WASL: variants seen among roughly 807,000 people sequenced by gnomAD.
WASL encodes the protein actin nucleation-promoting factor WASL.
Under a neutral mutation model 55.5 loss-of-function variants are expected in WASL, and 20 were observed. The ratio of observed to expected loss-of-function variants is 0.36; its 90% CI spans 0.25 to 0.52. The LOEUF (loss-of-function observed/expected upper bound fraction) is 0.52, where lower values mean the gene tolerates loss of function less well. Ranked by LOEUF, WASL falls within the 20% of genes least tolerant of loss-of-function variation. WASL has a pLI of 0.92. For missense variants in WASL, 504 were observed against 622.5 expected, an observed-to-expected ratio of 0.81 and a Z score of 2.03; for synonymous variants, 249 against 217.6, an observed-to-expected ratio of 1.14 and a Z score of -1.27.
chr7:123,747,758 C>A (rs546675714), intron 1 of WASL, among the ~76,000 whole-genome samples: 1 of 152,146 alleles, frequency 6.6e-6, no homozygotes, highest in Non-Finnish European at 1.5e-5. Flanking sequence ...CTCCCCACCC[C>A]CAGAATTGCC....
intron 1 of WASL, among the ~76,000 whole-genome samples, chr7:123,726,177 C>T (rs887567753): frequency 6.6e-6 from 1 of 152,032 alleles, no homozygotes; most frequent in Non-Finnish European, 1.5e-5. Context: ...TGGGACAGGT[C>T]AGACTCCAGA....
At chr7:123,725,534 GT>G (rs897657379) in intron 1 of WASL, among the ~76,000 whole-genome samples, 3 of 151,796 alleles carry the variant, frequency 2.0e-5, no homozygotes, top group African/African-American at 7.3e-5. Flanking sequence ...CTTGAAATAT[GT>G]TTTTTTCCTC....
chr7:123,706,038 C>T (rs572238426), intron 4 of WASL, among the ~76,000 whole-genome samples: 7 of 151,866 alleles, frequency 4.6e-5, no homozygotes, highest in Non-Finnish European at 8.8e-5. Context: ...AGGTAAGGAC[C>T]ACCAAATTTT....
Position 123,689,028 on chromosome 7 carries a change from C to G in WASL, c.1456+14G>C. ...TCTGTCTCTCTCTCTCTCTCTCTCTCTCTCTCTCTCTACCTGAAGAATGAA... is the reference window on the plus strand; with the variant it reads ...TCTGTCTCTCTCTCTCTCTCTCTCTGTCTCTCTCTCTACCTGAAGAATGAA... On this transcript the variant is annotated intron_variant, in intron 10 of 10. Transcript: ENST00000223023. The G allele has an allele frequency of 6.3e-7, 1 of 1,595,748 alleles. No homozygotes were observed. Among genetic ancestry groups the G allele is most frequent in the Non-Finnish European group, 8.6e-7 (1 of 1,167,644 alleles).
chr7:123,700,202 A>AC (rs1562959026), intron 5 of WASL, among the ~76,000 whole-genome samples: 8 of 77,640 alleles, frequency 1.0e-4, no homozygotes, highest in African/African-American at 3.0e-4. Flanking sequence ...AAAAAAAAAA[A>AC]AAAAACAACA....
intron 1 of WASL, among the ~76,000 whole-genome samples, chr7:123,726,809 T>G (rs749449379): frequency 1.3e-5 from 2 of 152,128 alleles, no homozygotes; most frequent in Non-Finnish European, 2.9e-5. Flanking sequence ...GAGGTTGCAG[T>G]GAGCCAAGAA....
At position 123,738,027 on chromosome 7, in the gene WASL, A is replaced by G. The variant is rs530563125; in HGVS notation, c.117+10591T>C. 2.6e-5 allele frequency among the ~76,000 whole-genome samples: 4 copies of G among 152,332 alleles called. No individual in the cohort carries two copies. The East Asian group carries it at 7.7e-4, about 29-fold the overall frequency. ...ATAGAAAATTGGTCTAAGGACAAGAAGAGGCAATTCACAGAAGAAATATAA... is the reference window on the plus strand; with the variant it reads ...ATAGAAAATTGGTCTAAGGACAAGAGGAGGCAATTCACAGAAGAAATATAA... On this transcript the variant is annotated intron_variant, in intron 1 of 10. Coordinates refer to ENST00000223023, the MANE Select transcript of WASL (RefSeq NM_003941.4).
In WASL at chr7:123,692,437, T is replaced by C. The variant is rs768636031; in HGVS notation, c.1257A>G (p.Leu419=). Residue 419 remains leucine (L), a synonymous_variant, in exon 9 of 11, where the codon CTA becomes CTG. Coordinates refer to ENST00000223023, the MANE Select transcript of WASL (RefSeq NM_003941.4). ...LLDQIREGAQ[L]KKVEQNSRPV... ...GCCGACTGTTCTGCTCCACTTTTTT[T>C]AGCTGAGCACCCTCTCTAATTTGAT... 6 of 1,614,066 alleles carry C rather than the reference T, an allele frequency of 3.7e-6. No individual in the cohort carries two copies. The highest frequency in any genetic ancestry group is 5.1e-6 in the Non-Finnish European group (6 of 1,180,046).
In WASL at chr7:123,692,641, G is replaced by A. The variant is rs1051567444; in HGVS notation, c.1053C>T (p.Pro351=). ...RMYPPPPPAL[P]SSAPSGPPPP... ...GTGGAGGCCCTGAAGGTGCTGAGGAGGGAAGGGCTGGAGGTGGAGGAGGGT... is the reference window on the plus strand; with the variant it reads ...GTGGAGGCCCTGAAGGTGCTGAGGAAGGAAGGGCTGGAGGTGGAGGAGGGT... Residue 351 remains proline, a synonymous_variant, in exon 9 of 11, where the codon CCC becomes CCT. Coordinates refer to ENST00000223023, the MANE Select transcript of WASL (RefSeq NM_003941.4). The A allele has an allele frequency of 2.3e-5, 37 of 1,582,180 alleles. No homozygotes were observed. Among genetic ancestry groups the A allele is most frequent in the Non-Finnish European group, 3.2e-5 (37 of 1,165,992 alleles).
chr7:123,735,659 C>T (rs570214906), intron 1 of WASL, among the ~76,000 whole-genome samples: 3 of 152,034 alleles, frequency 2.0e-5, no homozygotes, highest in East Asian at 1.9e-4. Context: ...ATACAGTGGA[C>T]GGTTTTTATG....
Position 123,694,868 on chromosome 7 carries a change from G to T in WASL, c.673C>A (p.Leu225Met). ...TTCAATTCTGGATCCAAATTATTCA[G>T]CTACAAAAGAAAGTAACTGCTAACT... ...VGWDPNTGFD[L>M]NNLDPELKNL... Residue 225 changes from leucine (L) to methionine (M), a missense_variant and splice_region_variant, in exon 8 of 11, where the codon CTG becomes ATG. This residue lies in a region of WASL where 230 missense variants were observed against 271.9 expected (regional missense o/e 0.85). Coordinates refer to ENST00000223023, the MANE Select transcript of WASL (RefSeq NM_003941.4). 1 of 1,597,978 alleles carries T rather than the reference G, an allele frequency of 6.3e-7. No individual in the cohort carries two copies. The highest frequency in any genetic ancestry group is 8.5e-7 in the Non-Finnish European group (1 of 1,175,396).
Position 123,714,682 on chromosome 7 carries a change from T to C in WASL, c.118-5459A>G, listed in dbSNP as rs371246591. 3.3e-5 allele frequency among the ~76,000 whole-genome samples: 5 copies of C among 152,086 alleles called. No homozygotes were observed. In the South Asian group the frequency reaches 1.0e-3, roughly 31 times the overall value. Reference sequence around the variant, plus strand: ...GGATAACTGGGGGTGAGGACAAGAATGAAAATGAGGGCAAATACAAAAATG... The same window carrying C: ...GGATAACTGGGGGTGAGGACAAGAACGAAAATGAGGGCAAATACAAAAATG... On this transcript the variant is annotated intron_variant, in intron 1 of 10. Coordinates refer to ENST00000223023, the MANE Select transcript of WASL (RefSeq NM_003941.4).
rs1170960449 is a variant in WASL, at chr7:123,718,900, T to TA, written c.118-9678dup. Reference sequence around the variant, plus strand: ...TGTATTTTTTATTCTTTCATTCAAGTATCTGTTGAGCATTTGTTATGTGGC... The same window carrying TA: ...TGTATTTTTTATTCTTTCATTCAAGTAATCTGTTGAGCATTTGTTATGTGGC... On this transcript the variant is annotated intron_variant, in intron 1 of 10. Transcript: ENST00000223023. Among the ~76,000 whole-genome samples the TA allele has an allele frequency of 2.6e-5, 4 of 152,246 alleles. No individual in the cohort carries two copies. The East Asian group carries it at 7.7e-4, about 29-fold the overall frequency.
Position 123,709,146 on chromosome 7 carries a change from A to T in WASL, c.195T>A (p.Ala65=), listed in dbSNP as rs1405884214. ...TCTGTGGATTGTCCTTAACAAGACA[A>T]GCAACACCACTGCACTTCTTTGACC... ...CMWSKKCSGV[A]CLVKDNPQRS... is the part of the protein sequence containing the mutation. Residue 65 remains alanine (A), a synonymous_variant, in exon 2 of 11, where the codon GCT becomes GCA. Coordinates refer to ENST00000223023, the MANE Select transcript of WASL (RefSeq NM_003941.4). 6.2e-7 allele frequency: 1 copy of T among 1,613,162 alleles called. No individual in the cohort carries two copies. Among genetic ancestry groups the T allele is most frequent in the South Asian group, 1.1e-5 (1 of 90,948 alleles).
chr7:123,711,212 CATG>C lies in WASL; in HGVS notation c.118-1992_118-1990del, dbSNP rs1447748375. 2.0e-5 allele frequency among the ~76,000 whole-genome samples: 3 copies of C among 151,930 alleles called. No individual in the cohort carries two copies. In the East Asian group the frequency reaches 5.8e-4, roughly 29 times the overall value. Reference sequence around the variant, plus strand: ...CTTGCTAGCCAAAGGACTAAATATTCATGATGTTATAAATATTCACGTTGTAAA... The same window carrying C: ...CTTGCTAGCCAAAGGACTAAATATTCATGTTATAAATATTCACGTTGTAAA... On this transcript the variant is annotated intron_variant, in intron 1 of 10. Coordinates refer to ENST00000223023, the MANE Select transcript of WASL (RefSeq NM_003941.4).
intron 1 of WASL, among the ~76,000 whole-genome samples, chr7:123,747,489 T>A (rs1804453029): frequency 1.3e-5 from 2 of 152,186 alleles, no homozygotes; most frequent in African/African-American, 4.8e-5. Context: ...ATGAATCCAA[T>A]AACTTTCCAG....
In WASL at chr7:123,692,534, G is replaced by A. The variant is rs555057892; in HGVS notation, c.1160C>T (p.Pro387Leu). 8.0e-5 allele frequency: 129 copies of A among 1,614,126 alleles called. No homozygotes were observed. Among genetic ancestry groups the A allele is most frequent in the Admixed American group, 7.7e-4 (46 of 60,020 alleles). Residue 387 changes from proline (P) to leucine (L), a missense_variant, in exon 9 of 11, where the codon CCC becomes CTC. This residue lies in a region of WASL where 201 missense variants were observed against 206.2 expected (regional missense o/e 0.97). Coordinates refer to ENST00000223023, the MANE Select transcript of WASL (RefSeq NM_003941.4). ...CCCATCAGAAGGCAGGCCAGGCGGG[G>A]GCGGTGGCCCAGGAGGAGGTGGAGG... The part of the protein sequence containing the change: ...PPPPPPPGPP[P>L]PPGLPSDGDH...
intron 2 of WASL, among the ~76,000 whole-genome samples, chr7:123,707,882 G>A (rs1803697576): frequency 6.6e-6 from 1 of 152,134 alleles, no homozygotes; most frequent in South Asian, 2.1e-4. Context: ...CTTGGAAGCA[G>A]ACATTAAGAT....
intron 10 of WASL, 47 bp from the exon 11 acceptor site, chr7:123,684,627 C>A: frequency 6.8e-7 from 1 of 1,479,888 alleles, no homozygotes; most frequent in Non-Finnish European, 9.0e-7. Context: ...AATAAAATGA[C>A]ATTACATAAT....
Sources: allele counts gnomAD v4.1 joint callset (sites outside exome capture counted in the v4.1 genomes callset), GRCh38; gene constraint gnomAD v4.1.1; regional missense constraint gnomAD v4.1.1; transcripts MANE v1.5; gene names NCBI Gene and HGNC (gene_info 2026-07-23, HGNC 2026-07-21).